NOS1AP: variants seen among roughly 807,000 people sequenced by gnomAD.
NOS1AP encodes carboxyl-terminal PDZ ligand of neuronal nitric oxide synthase protein.
NOS1AP carries 21 observed loss-of-function variants against 56.2 expected under a neutral mutation model. The observed-to-expected ratio is 0.37, with a 90% confidence interval of 0.26 to 0.54. NOS1AP has a LOEUF of 0.54. NOS1AP is among the 20% of genes least tolerant of loss of function. The probability of loss-of-function intolerance (pLI) is 0.84; values close to 1 mark genes in which losing one functional copy is unlikely to be tolerated. For synonymous variants in NOS1AP, 270 were observed against 274.6 expected (o/e 0.98, Z 0.17); for missense variants, 522 against 657.8 (o/e 0.79, Z 2.26).
At chr1:162,107,784 T>C (rs1647568946) in intron 1 of NOS1AP, among the ~76,000 whole-genome samples, 1 of 152,152 alleles carries the variant, frequency 6.6e-6, no homozygotes, top group African/African-American at 2.4e-5. Flanking sequence ...AGGGATTTGA[T>C]TGTATATCCC....
At chr1:162,204,394 C>A (rs1296000871) in intron 2 of NOS1AP, among the ~76,000 whole-genome samples, 8 of 152,182 alleles carry the variant, frequency 5.3e-5, no homozygotes, top group African/African-American at 1.9e-4. Flanking sequence ...GTTGGGGGAC[C>A]AAATAGATAG....
At chr1:162,082,543 A>T (rs967985876) in intron 1 of NOS1AP, among the ~76,000 whole-genome samples, 3 of 152,198 alleles carry the variant, frequency 2.0e-5, no homozygotes, top group Non-Finnish European at 1.5e-5. Context: ...GAACTAATTT[A>T]TACTCCCACC....
intron 1 of NOS1AP, among the ~76,000 whole-genome samples, chr1:162,079,336 A>G (rs2102013022): frequency 6.6e-6 from 1 of 152,240 alleles, no homozygotes; most frequent in Admixed American, 6.5e-5. Context: ...TCATTTCTCA[A>G]TTGTCATTTA....
intron 3 of NOS1AP, among the ~76,000 whole-genome samples, chr1:162,298,388 G>A (rs988973340): frequency 2.0e-5 from 3 of 152,218 alleles, no homozygotes; most frequent in Non-Finnish European, 4.4e-5. Context: ...GATGCCATGT[G>A]GGAACTCCAA....
At chr1:162,267,615 A>G (rs1571176062) in intron 2 of NOS1AP, among the ~76,000 whole-genome samples, 2 of 142,264 alleles carry the variant, frequency 1.4e-5, no homozygotes, top group African/African-American at 5.2e-5. Flanking sequence ...AAAAAAAAAA[A>G]ATTATTTTAA....
rs1315923204 is a variant in NOS1AP at position 162,356,999 on chromosome 1, A to G, written c.802A>G (p.Arg268Gly). The G allele has an allele frequency of 6.2e-7, 1 of 1,614,034 alleles. No homozygotes were observed. The highest frequency in any genetic ancestry group is 8.5e-7 in the Non-Finnish European group (1 of 1,180,012). ...PQEPMLTASP[R>G]MLLPSSSSKP... ...GGAGCCCATGCTGACAGCCTCACCC[A>G]GGATGCTGCTCCCTTCTTCTTCCTC... Residue 268 changes from arginine to glycine, a missense_variant, in exon 8 of 10, where the codon AGG becomes GGG. Physicochemically the swap from Arg to Gly is moderately radical, Grantham distance 125 (BLOSUM62 -2). This residue lies in a region of NOS1AP where 178 missense variants were observed against 165.0 expected (regional missense o/e 1.08). Coordinates refer to ENST00000361897, the MANE Select transcript of NOS1AP (RefSeq NM_014697.3).
chr1:162,257,922 A>G (rs1654084864), intron 2 of NOS1AP, among the ~76,000 whole-genome samples: 1 of 150,992 alleles, frequency 6.6e-6, no homozygotes, highest in African/African-American at 2.4e-5. Context: ...CAGAGAGGAC[A>G]TTTCCCGCTT....
At chr1:162,125,209 C>G (rs1168804879) in intron 1 of NOS1AP, among the ~76,000 whole-genome samples, 1 of 150,162 alleles carries the variant, frequency 6.7e-6, no homozygotes, top group Non-Finnish European at 1.5e-5. Flanking sequence ...GCTCGGCTCA[C>G]TGCAACCTCC....
At chr1:162,111,820 T>C (rs1024327988) in intron 1 of NOS1AP, among the ~76,000 whole-genome samples, 68 of 152,170 alleles carry the variant, frequency 4.5e-4, no homozygotes, top group African/African-American at 1.6e-3. Context: ...GTCAGGAATA[T>C]TGCAGAAATG....
In NOS1AP at chr1:162,264,469, C is replaced by CCCTCCCCTCCCCTGT. The variant is rs1553200312; in HGVS notation, c.178-22862_178-22861insGTCCTCCCCTCCCCT. On this transcript the variant is annotated intron_variant, in intron 2 of 9. Transcript: ENST00000361897. ...TCTTCTCTTCTCTTCTCTTCTCCTC[C>CCCTCCCCTCCCCTGT]CCTCCCCTCCCCTCCCCTCTCCTCC... Among the ~76,000 whole-genome samples the CCCTCCCCTCCCCTGT allele has an allele frequency of 6.6e-3, 209 of 31,844 alleles. 31 individuals carry two copies. The highest frequency in any genetic ancestry group is 0.045 in the African/African-American group (154 of 3,392). The allele number at this position is 31,844 out of a possible 152,430, so 20.9% of individuals were successfully genotyped here.
At chr1:162,089,236 A>G (rs1291420816) in intron 1 of NOS1AP, among the ~76,000 whole-genome samples, 6 of 152,204 alleles carry the variant, frequency 3.9e-5, no homozygotes, top group Admixed American at 3.9e-4. Context: ...TATTTCCAAT[A>G]TCTTAACTAC....
intron 3 of NOS1AP, among the ~76,000 whole-genome samples, chr1:162,288,846 A>G (rs887702721): frequency 2.6e-5 from 4 of 152,196 alleles, no homozygotes; most frequent in African/African-American, 4.8e-5. Flanking sequence ...TGCTGTGTGC[A>G]TGGGCCCCAT....
chr1:162,240,616 T>G (rs1400719850), intron 2 of NOS1AP, among the ~76,000 whole-genome samples: 1 of 152,190 alleles, frequency 6.6e-6, no homozygotes, highest in African/African-American at 2.4e-5. Context: ...AAACAAAAAC[T>G]ACAAACGTGG....
At chr1:162,221,231 G>A (rs779150210) in intron 2 of NOS1AP, among the ~76,000 whole-genome samples, 2 of 152,262 alleles carry the variant, frequency 1.3e-5, no homozygotes, top group African/African-American at 4.8e-5. Flanking sequence ...GAGCCACCGC[G>A]CCCAGCCCAC....
chr1:162,179,699 A>G (rs1331909524), intron 2 of NOS1AP, among the ~76,000 whole-genome samples: 1 of 152,156 alleles, frequency 6.6e-6, no homozygotes, highest in African/African-American at 2.4e-5. Context: ...GGGGAGGGAA[A>G]TCCTGGACCT....
At chr1:162,080,411 G>A (rs938261160) in intron 1 of NOS1AP, among the ~76,000 whole-genome samples, 6 of 152,192 alleles carry the variant, frequency 3.9e-5, no homozygotes, top group South Asian at 2.1e-4. Flanking sequence ...TTCTTGAAAC[G>A]AAGTGCTTTC....
rs376793034 is a variant in NOS1AP at position 162,213,009 on chromosome 1, C to G, written c.177+58533C>G. ...TTGCCCAGGGTAACCATTTCTGACT[C>G]TCCTGAATAATATGGGGTGGATCTG... On this transcript the variant is annotated intron_variant, in intron 2 of 9. Transcript: ENST00000361897. Among the ~76,000 whole-genome samples, 3 of 152,152 alleles carry G rather than the reference C, an allele frequency of 2.0e-5. No homozygotes were observed. In the East Asian group the frequency reaches 5.8e-4, roughly 29 times the overall value.
chr1:162,135,399 T>A (rs1462130064), intron 1 of NOS1AP, among the ~76,000 whole-genome samples: 1 of 152,144 alleles, frequency 6.6e-6, no homozygotes, highest in East Asian at 1.9e-4. Flanking sequence ...CTTGGAATTG[T>A]GGGAAGATGA....
intron 2 of NOS1AP, among the ~76,000 whole-genome samples, chr1:162,169,902 A>C (rs7546353): frequency 0.26 from 39,302 of 151,988 alleles, 5,860 homozygotes; most frequent in African/African-American, 0.4. Context: ...TCACTTGGCC[A>C]TTCTGCCTTT....
Sources: allele counts gnomAD v4.1 joint callset (sites outside exome capture counted in the v4.1 genomes callset), GRCh38; gene constraint gnomAD v4.1.1; regional missense constraint gnomAD v4.1.1; transcripts MANE v1.5; gene names NCBI Gene and HGNC (gene_info 2026-07-23, HGNC 2026-07-21).